The following SPIN1 variants were observed in gnomAD, a reference collection of about 807,000 sequenced individuals.
SPIN1 encodes the protein spindlin-1.
Under a neutral mutation model 26.0 loss-of-function variants are expected in SPIN1, and 3 were observed. The ratio of observed to expected loss-of-function variants is 0.12; its 90% CI spans 0.05 to 0.30. SPIN1 has a LOEUF of 0.30. Ranked by LOEUF, SPIN1 falls within the 10% of genes least tolerant of loss-of-function variation. The probability of loss-of-function intolerance (pLI) is 1.00; values close to 1 mark genes in which losing one functional copy is unlikely to be tolerated. For synonymous variants in SPIN1, 101 were observed against 116.5 expected (o/e 0.87, Z 0.86); for missense variants, 126 against 333.4 (o/e 0.38, Z 4.84).
At chr9:88,438,442 T>C (rs976234115) in intron 2 of SPIN1, among the ~76,000 whole-genome samples, 1 of 152,230 alleles carries the variant, frequency 6.6e-6, no homozygotes, top group Non-Finnish European at 1.5e-5. Context: ...CTTTTAAATT[T>C]GTGAAACTGT....
intron 4 of SPIN1, among the ~76,000 whole-genome samples, chr9:88,466,313 A>C (rs1035843639): frequency 1.3e-5 from 2 of 152,084 alleles, no homozygotes; most frequent in African/African-American, 4.8e-5. Flanking sequence ...CACTCACCAC[A>C]GTACCCTGCT....
intron 1 of SPIN1, among the ~76,000 whole-genome samples, chr9:88,407,455 G>GGATA (rs1827334584): frequency 1.3e-5 from 2 of 151,546 alleles, no homozygotes; most frequent in Admixed American, 6.6e-5. Flanking sequence ...CCTTTTTGAA[G>GGATA]GATACTTCTG....
chr9:88,389,001 G>GGGGGC (rs1411651946), intron 1 of SPIN1, among the ~76,000 whole-genome samples: 1 of 151,400 alleles, frequency 6.6e-6, no homozygotes, highest in African/African-American at 2.4e-5. Context: ...GGCCGGCGAC[G>GGGGGC]GGGGCGGGGC....
intron 2 of SPIN1, among the ~76,000 whole-genome samples, chr9:88,430,280 G>T (rs1827843322): frequency 6.6e-6 from 1 of 152,176 alleles, no homozygotes; most frequent in Non-Finnish European, 1.5e-5. Context: ...TGGAGCTTTA[G>T]CCACCCGGCC....
At chr9:88,438,232 A>G (rs1828047050) in intron 2 of SPIN1, among the ~76,000 whole-genome samples, 1 of 151,846 alleles carries the variant, frequency 6.6e-6, no homozygotes. Flanking sequence ...GCTTTTGCTC[A>G]GTGTTGGTAA....
At chr9:88,448,918 CTA>C (rs777428312) in intron 2 of SPIN1, 21 bp from the exon 3 acceptor site, 1 of 1,611,586 alleles carries the variant, frequency 6.2e-7, no homozygotes, top group East Asian at 2.2e-5. Context: ...TTTTCATTGA[CTA>C]TATACTCATC....
At chr9:88,394,141 G>A (rs1826999628) in intron 1 of SPIN1, among the ~76,000 whole-genome samples, 1 of 152,222 alleles carries the variant, frequency 6.6e-6, no homozygotes. Flanking sequence ...GAGCCACCAT[G>A]TGTGGCTTTA....
intron 2 of SPIN1, among the ~76,000 whole-genome samples, chr9:88,432,428 T>G (rs1327132720): frequency 6.6e-6 from 1 of 151,436 alleles, no homozygotes; most frequent in Non-Finnish European, 1.5e-5. Context: ...CCTCAGGTGA[T>G]CCATCCACTT....
intron 2 of SPIN1, among the ~76,000 whole-genome samples, chr9:88,436,808 A>G (rs926146958): frequency 1.7e-5 from 2 of 118,732 alleles, no homozygotes; most frequent in African/African-American, 6.2e-5. Flanking sequence ...TCTGTCGCCC[A>G]GGCTGGAGTG....
intron 4 of SPIN1, among the ~76,000 whole-genome samples, chr9:88,466,725 T>C (rs1300331510): frequency 6.6e-6 from 1 of 152,102 alleles, no homozygotes; most frequent in Non-Finnish European, 1.5e-5. Context: ...GGAGAGCTAA[T>C]TGTTTGTTGT....
At chr9:88,392,676 TTC>T (rs1019709648) in intron 1 of SPIN1, among the ~76,000 whole-genome samples, 2 of 152,124 alleles carry the variant, frequency 1.3e-5, no homozygotes, top group African/African-American at 4.8e-5. Context: ...AGCTACTATT[TTC>T]TATCTATCCT....
intron 5 of SPIN1, among the ~76,000 whole-genome samples, chr9:88,469,158 C>T (rs1047842155): frequency 3.9e-5 from 6 of 151,934 alleles, no homozygotes; most frequent in Non-Finnish European, 8.8e-5. Flanking sequence ...CATTAGATTC[C>T]CATAAGGAAC....
intron 2 of SPIN1, among the ~76,000 whole-genome samples, chr9:88,441,258 C>T (rs1828117688): frequency 6.6e-6 from 1 of 151,728 alleles, no homozygotes; most frequent in Non-Finnish European, 1.5e-5. Context: ...GCAAATACTA[C>T]ACCATTTTAT....
rs561395211 is a variant in SPIN1, at chr9:88,425,427, C to G, written c.-158-955C>G. Among the ~76,000 whole-genome samples the G allele has an allele frequency of 2.0e-5, 3 of 152,156 alleles. No individual in the cohort carries two copies. The South Asian group carries it at 6.2e-4, about 32-fold the overall frequency. ...GGGTGCAGTGGCTCACGTCTGTAAT[C>G]CCAGCACTTTGGGAGGCCGAGGCAG... On this transcript the variant is annotated intron_variant, in intron 1 of 5. Coordinates refer to ENST00000375859, the MANE Select transcript of SPIN1 (RefSeq NM_006717.3).
At chr9:88,414,894 G>A (rs535172164) in intron 1 of SPIN1, among the ~76,000 whole-genome samples, 2 of 152,152 alleles carry the variant, frequency 1.3e-5, no homozygotes, top group South Asian at 4.1e-4. Flanking sequence ...TAGTGGTTTA[G>A]GGTGTTTAAT....
chr9:88,476,898 T>G lies in SPIN1; in HGVS notation c.*1621T>G, dbSNP rs1259823301. The stretch of plus-strand genomic sequence containing the variant: ...GTTTGAATCAGAGGTCTGAGTGACC[T>G]CTTTTGTGGCTGTTCTTGATGGTTT... On this transcript the variant is annotated 3_prime_UTR_variant, in exon 6 of 6. Transcript: ENST00000375859. 1 of 152,212 alleles carries G rather than the reference T, an allele frequency of 6.6e-6. No homozygotes were observed. The highest frequency in any genetic ancestry group is 1.9e-4 in the East Asian group (1 of 5,200). 9.4% of individuals were successfully genotyped at this position (152,212 alleles called of 1,614,324 possible).
At chr9:88,432,180 G>A (rs1428481518) in intron 2 of SPIN1, among the ~76,000 whole-genome samples, 2 of 15,164 alleles carry the variant, frequency 1.3e-4, no homozygotes, top group African/African-American at 4.8e-4. Context: ...TGCCCGTCCC[G>A]CCCCCCCCAC....
At chr9:88,461,859 T>A (rs1481642609) in intron 3 of SPIN1, among the ~76,000 whole-genome samples, 1 of 152,246 alleles carries the variant, frequency 6.6e-6, no homozygotes, top group Non-Finnish European at 1.5e-5. Context: ...TTCAATAATT[T>A]TTAATATTAC....
intron 1 of SPIN1, among the ~76,000 whole-genome samples, chr9:88,390,015 T>C (rs1447934352): frequency 6.6e-6 from 1 of 152,174 alleles, no homozygotes; most frequent in Non-Finnish European, 1.5e-5. Context: ...TTGATAATTA[T>C]ATATTAAGGT....
Sources: allele counts gnomAD v4.1 joint callset (sites outside exome capture counted in the v4.1 genomes callset), GRCh38; gene constraint gnomAD v4.1.1; transcripts MANE v1.5; gene names NCBI Gene and HGNC (gene_info 2026-07-23, HGNC 2026-07-21).